Variants in PTGER3 observed in about 807,000 individuals in gnomAD.
The protein encoded by PTGER3 is prostaglandin E2 receptor EP3 subtype.
PTGER3 carries 22 observed loss-of-function variants against 34.7 expected under a neutral mutation model. The ratio of observed to expected loss-of-function variants is 0.63; its 90% CI spans 0.45 to 0.91. The LOEUF is 0.91. PTGER3 is among the 40% of genes least tolerant of loss of function. PTGER3 has a pLI of 0.00. For synonymous variants in PTGER3, 241 were observed against 230.1 expected, an observed-to-expected ratio of 1.05 and a Z score of -0.43; for missense variants, 468 against 519.4, an observed-to-expected ratio of 0.90 and a Z score of 0.96.
chr1:71,041,925 T>G (rs543863268), intron 1 of PTGER3, among the ~76,000 whole-genome samples: 2 of 152,294 alleles, frequency 1.3e-5, no homozygotes, highest in African/African-American at 4.8e-5. Context: ...CTACCACCCC[T>G]CTGCACCCTC....
At chr1:70,937,173 G>A (rs1649303587) in intron 4 of PTGER3, among the ~76,000 whole-genome samples, 2 of 152,300 alleles carry the variant, frequency 1.3e-5, no homozygotes, top group South Asian at 4.1e-4. Context: ...ATGATTATAA[G>A]CATAGTGAAT....
In PTGER3 at chr1:71,010,604, A is replaced by T. The variant is rs545189966; in HGVS notation, c.1077+1701T>A. 4.5e-5 allele frequency: 44 copies of T among 984,934 alleles called. No homozygotes were observed. The South Asian group carries it at 1.7e-3, about 39-fold the overall frequency. 61.0% of individuals were successfully genotyped at this position (984,934 alleles called of 1,614,324 possible). A position where few individuals can be genotyped will look rare whatever the true frequency, so the allele number is the denominator to read the frequency against. ...CCTCTTTATTATGTGATTTCAGTGCACTTTTGAAAAAAAGTAGGTAGTTTT... is the reference window on the plus strand; with the variant it reads ...CCTCTTTATTATGTGATTTCAGTGCTCTTTTGAAAAAAAGTAGGTAGTTTT... On this transcript the variant is annotated intron_variant, in intron 2 of 3. Transcript: ENST00000306666.
chr1:70,985,237 G>C (rs1654800356), intron 2 of PTGER3, among the ~76,000 whole-genome samples: 1 of 152,166 alleles, frequency 6.6e-6, no homozygotes, highest in African/African-American at 2.4e-5. Flanking sequence ...AAGCTCTTTA[G>C]TACACAGGCT....
At chr1:71,009,203 C>T in intron 2 of PTGER3, 1 of 985,162 alleles carries the variant, frequency 1.0e-6, no homozygotes. Flanking sequence ...TACTGTTTGC[C>T]AGTTTTTAGT....
In PTGER3 at chr1:71,047,564, C is replaced by T. The variant is rs758581294; in HGVS notation, c.14G>A (p.Arg5Gln). 8 of 1,551,416 alleles carry T rather than the reference C, an allele frequency of 5.2e-6. No homozygotes were observed. Among genetic ancestry groups the T allele is most frequent in the Non-Finnish European group, 7.0e-6 (8 of 1,144,190 alleles). The change falls in exon 1 of 4, where the codon CGG (arginine) becomes CAG (glutamine). Residue 5 changes from arginine to glutamine, a missense_variant. Coordinates refer to ENST00000306666, the MANE Select transcript of PTGER3 (RefSeq NM_198719.2). ...GAAGGGGGCATCCCCTCCGTAGCCC[C>T]GGGTCTCCTTCATGTTGGCTTCGAG... is the stretch of plus-strand genomic sequence containing the variant. The part of the protein sequence containing the change: MKET[R>Q]GYGGDAPFCT...
chr1:71,006,278 G>A (rs2100833322), intron 2 of PTGER3: 2 of 985,392 alleles, frequency 2.0e-6, no homozygotes, highest in Middle Eastern at 5.2e-4. Context: ...CTTTTCTCAC[G>A]AAGAAAGAGG....
intron 4 of PTGER3, among the ~76,000 whole-genome samples, chr1:70,927,511 T>C (rs1648223979): frequency 6.6e-6 from 1 of 152,284 alleles, no homozygotes; most frequent in Non-Finnish European, 1.5e-5. Flanking sequence ...ATTGGAGAGT[T>C]TGAAGCAACT....
intron 4 of PTGER3, chr1:70,862,261 A>AG: frequency 8.9e-7 from 1 of 1,120,168 alleles, no homozygotes. Flanking sequence ...AGTAAAAAAA[A>AG]ATATTAATAG....
At chr1:70,988,057 T>C (rs1362054778) in intron 2 of PTGER3, among the ~76,000 whole-genome samples, 1 of 152,158 alleles carries the variant, frequency 6.6e-6, no homozygotes, top group Non-Finnish European at 1.5e-5. Context: ...AAAATAAAAA[T>C]GACTAAAGCC....
chr1:71,003,011 T>C (rs1656627501), intron 2 of PTGER3, among the ~76,000 whole-genome samples: 1 of 152,210 alleles, frequency 6.6e-6, no homozygotes. Context: ...TGACAAATAC[T>C]TCAATGCTCT....
intron 4 of PTGER3, among the ~76,000 whole-genome samples, chr1:70,940,496 A>C (rs941733340): frequency 6.6e-6 from 1 of 152,176 alleles, no homozygotes; most frequent in Non-Finnish European, 1.5e-5. Context: ...GACATACCCG[A>C]GACTGGGAAG....
intron 1 of PTGER3, among the ~76,000 whole-genome samples, chr1:71,014,668 A>G (rs563903018): frequency 1.3e-5 from 2 of 152,324 alleles, no homozygotes; most frequent in East Asian, 3.9e-4. Flanking sequence ...GCAAGAAGAC[A>G]GCAGTCTACA....
intron 4 of PTGER3, among the ~76,000 whole-genome samples, chr1:70,861,093 A>ACTGGGCACCTGAGGGGCAGGGAGCTATTC (rs1345843746): frequency 1.7e-4 from 26 of 152,314 alleles, no homozygotes; most frequent in South Asian, 1.7e-3. Flanking sequence ...AATTAAGTTT[A>ACTGGGCACCTGAGGGGCAGGGAGCTATTC]CTGGGCACCT....
intron 2 of PTGER3, chr1:71,006,573 T>C: frequency 1.0e-6 from 1 of 981,990 alleles, no homozygotes; most frequent in Non-Finnish European, 1.2e-6. Flanking sequence ...ATGCACTCTG[T>C]GTTAAGAACA....
At chr1:70,921,215 T>C (rs1381071006) in intron 4 of PTGER3, among the ~76,000 whole-genome samples, 1 of 152,108 alleles carries the variant, frequency 6.6e-6, no homozygotes, top group Non-Finnish European at 1.5e-5. Flanking sequence ...TACAATCTAG[T>C]AGCAGAGGTA....
intron 1 of PTGER3, among the ~76,000 whole-genome samples, chr1:71,023,366 C>G (rs1366109518): frequency 6.6e-6 from 1 of 151,936 alleles, no homozygotes; most frequent in Non-Finnish European, 1.5e-5. Context: ...TATTCCTCTG[C>G]AGTCCCCTTT....
At chr1:70,979,389 C>T (rs1654029226) in intron 2 of PTGER3, among the ~76,000 whole-genome samples, 1 of 151,068 alleles carries the variant, frequency 6.6e-6, no homozygotes, top group Non-Finnish European at 1.5e-5. Flanking sequence ...GTGCCTAATT[C>T]ATTATTTAGC....
chr1:71,029,975 T>C (rs1659271975), intron 1 of PTGER3, among the ~76,000 whole-genome samples: 1 of 120,176 alleles, frequency 8.3e-6, no homozygotes, highest in African/African-American at 3.6e-5. Context: ...AATAAGTAAA[T>C]AAATAAATAA....
At position 70,962,536 on chromosome 1, in the gene PTGER3, C is replaced by T. The variant is rs539834096; in HGVS notation, c.1078-8747G>A. On this transcript the variant is annotated intron_variant, in intron 2 of 3. Coordinates refer to the PTGER3 transcript ENST00000356595. ...CAGTTCCATATGTCTGGGGAAGCCT[C>T]ACACTTCATGGTGGAAGGTGAATGA... is the stretch of plus-strand genomic sequence containing the variant. Among the ~76,000 whole-genome samples, 6 of 152,258 alleles carry T rather than the reference C, an allele frequency of 3.9e-5. 1 individual carries two copies. The highest frequency in any genetic ancestry group is 1.4e-4 in the African/African-American group (6 of 41,532).
Sources: gnomAD v4.1 joint callset for allele counts (sites outside exome capture counted in the v4.1 genomes callset) on GRCh38, gnomAD v4.1.1 for gene constraint, MANE v1.5 for transcripts, NCBI Gene and HGNC (gene_info 2026-07-23, HGNC 2026-07-21) for gene names.